RYR2: variants seen among roughly 807,000 people sequenced by gnomAD.
RYR2 encodes ryanodine receptor 2.
In RYR2, 227 loss-of-function variants were observed where a neutral mutation model predicts 601.1. That is an observed-to-expected ratio of 0.38 (90% CI 0.34 to 0.42). The LOEUF is 0.42. RYR2 is among the 10% of genes least tolerant of loss of function. The pLI, the probability that RYR2 is intolerant of heterozygous loss-of-function variation, is 1.00. For synonymous variants in RYR2, 2,223 were observed against 2,175.1 expected, an observed-to-expected ratio of 1.02 and a Z score of -0.61; for missense variants, 4,646 against 6,156.5, an observed-to-expected ratio of 0.75 and a Z score of 8.21.
chr1:237,072,551 A>G (rs1443197284), intron 1 of RYR2, among the ~76,000 whole-genome samples: 2 of 152,136 alleles, frequency 1.3e-5, no homozygotes, highest in Admixed American at 6.6e-5. Flanking sequence ...GAGCTGTGGG[A>G]GGTTTTCTAG....
chr1:237,105,943 C>G (rs1285025499), intron 1 of RYR2, among the ~76,000 whole-genome samples: 1 of 151,544 alleles, frequency 6.6e-6, no homozygotes, highest in Non-Finnish European at 1.5e-5. Context: ...GGAGTTAGTT[C>G]ATGGGCTTCC....
At chr1:237,733,663 C>G (rs1384361247) in intron 78 of RYR2, 42 bp from the exon 79 acceptor site, 4 of 1,377,612 alleles carry the variant, frequency 2.9e-6, no homozygotes, top group Admixed American at 3.4e-5. Flanking sequence ...ATGTGCCTAG[C>G]CTTCTGCTTA....
chr1:237,493,002 C>A lies in RYR2; in HGVS notation c.1876C>A (p.Arg626Ser). The stretch of plus-strand genomic sequence containing the variant: ...CTGTGTTTGCCACGGGGTTGCAGTC[C>A]GTTCTAACCAGCATCTCATCTGTGA... ...SLCVCHGVAV[R>S]SNQHLICDNL... is the part of the protein sequence containing the mutation. The change falls in exon 19 of 105, where the codon CGT becomes AGT. Residue 626 changes from arginine (R) to serine (S), a missense_variant. By Grantham distance (110) the Arg-to-Ser change is moderately radical. Transcript: ENST00000366574. 6.2e-7 allele frequency: 1 copy of A among 1,610,322 alleles called. No individual in the cohort carries two copies. The highest frequency in any genetic ancestry group is 8.5e-7 in the Non-Finnish European group (1 of 1,178,128).
In RYR2 at chr1:237,818,919, A is replaced by G. The variant is rs1187205024; in HGVS notation, c.14434-117A>G. 3.5e-6 allele frequency: 3 copies of G among 856,064 alleles called. No individual in the cohort carries two copies. In the Admixed American group the frequency reaches 8.7e-5, roughly 25 times the overall value. The allele number at this position is 856,064 out of a possible 1,614,324, so 53.0% of individuals were successfully genotyped here. ...CTGAAACAAAAAGAGGCAATATAGA[A>G]TGCAAAAATTCTCATTTCCAGAGTG... On this transcript the variant is annotated intron_variant, in intron 100 of 104. Coordinates refer to ENST00000366574, the MANE Select transcript of RYR2 (RefSeq NM_001035.3).
intron 17 of RYR2, among the ~76,000 whole-genome samples, chr1:237,473,225 A>G (rs1378269990): frequency 6.6e-6 from 1 of 151,908 alleles, no homozygotes; most frequent in Non-Finnish European, 1.5e-5. Flanking sequence ...GGAGTTTGAA[A>G]CCAGCCTGGC....
At chr1:237,350,806 A>G (rs1346745817) in intron 3 of RYR2, among the ~76,000 whole-genome samples, 2 of 151,676 alleles carry the variant, frequency 1.3e-5, no homozygotes, top group African/African-American at 4.8e-5. Flanking sequence ...CAAAATTATC[A>G]GGAGATCTCA....
intron 12 of RYR2, among the ~76,000 whole-genome samples, chr1:237,440,401 G>C (rs963682767): frequency 6.6e-6 from 1 of 152,186 alleles, no homozygotes; most frequent in Non-Finnish European, 1.5e-5. Context: ...AGAGACTAAA[G>C]AAAGGAGGTA....
At chr1:237,713,799 C>T (rs1451940094) in intron 71 of RYR2, among the ~76,000 whole-genome samples, 1 of 151,980 alleles carries the variant, frequency 6.6e-6, no homozygotes, top group Non-Finnish European at 1.5e-5. Flanking sequence ...GTGGGTTTTG[C>T]CTGTTGCATT....
chr1:237,319,709 G>GTTAT (rs1225428110), intron 2 of RYR2, among the ~76,000 whole-genome samples: 1 of 152,152 alleles, frequency 6.6e-6, no homozygotes, highest in African/African-American at 2.4e-5. Flanking sequence ...CAACCTGTCC[G>GTTAT]TGGATAAGGA....
intron 17 of RYR2, among the ~76,000 whole-genome samples, chr1:237,481,844 C>T (rs1213466354): frequency 2.1e-5 from 3 of 146,224 alleles, no homozygotes; most frequent in Non-Finnish European, 4.5e-5. Flanking sequence ...AACCACCTCC[C>T]AAACTCCTTG....
intron 5 of RYR2, among the ~76,000 whole-genome samples, chr1:237,369,088 G>A (rs1034256090): frequency 3.3e-5 from 5 of 152,088 alleles, no homozygotes; most frequent in Admixed American, 3.3e-4. Flanking sequence ...CTCCCAAAGT[G>A]CTGGGATTAC....
At position 237,574,994 on chromosome 1, in the gene RYR2, G is replaced by A. The variant is rs929603707; in HGVS notation, c.3598+5675G>A. Among the ~76,000 whole-genome samples, 7 of 152,132 alleles carry A rather than the reference G, an allele frequency of 4.6e-5. No individual in the cohort carries two copies. The East Asian group carries it at 1.4e-3, about 29-fold the overall frequency. On this transcript the variant is annotated intron_variant, in intron 29 of 104. Coordinates refer to ENST00000366574, the MANE Select transcript of RYR2 (RefSeq NM_001035.3). ...TGTGTTCCATAGCAATAGAAAACCG[G>A]TATGTTGATCAAGGGGCTTTCTTAG...
chr1:237,341,395 G>A (rs1347190442), intron 3 of RYR2, among the ~76,000 whole-genome samples: 1 of 152,100 alleles, frequency 6.6e-6, no homozygotes, highest in East Asian at 1.9e-4. Flanking sequence ...CCAGGCTGGA[G>A]TGCAATGGTG....
intron 1 of RYR2, among the ~76,000 whole-genome samples, chr1:237,124,104 A>G (rs912471626): frequency 2.0e-5 from 3 of 152,210 alleles, no homozygotes; most frequent in African/African-American, 7.2e-5. Context: ...GCTGGAGAAC[A>G]GGGTTACGGT....
At chr1:237,601,582 G>A (rs1676510063) in intron 34 of RYR2, among the ~76,000 whole-genome samples, 1 of 152,004 alleles carries the variant, frequency 6.6e-6, no homozygotes, top group Non-Finnish European at 1.5e-5. Context: ...TAGAAGAGAG[G>A]ATTTTGTATG....
intron 79 of RYR2, among the ~76,000 whole-genome samples, chr1:237,739,408 C>G (rs1159499749): frequency 6.6e-6 from 1 of 152,168 alleles, no homozygotes; most frequent in Non-Finnish European, 1.5e-5. Context: ...TACCAGCTGT[C>G]ATCCCTCTTG....
chr1:237,101,868 T>C (rs1668141397), intron 1 of RYR2, among the ~76,000 whole-genome samples: 1 of 152,218 alleles, frequency 6.6e-6, no homozygotes, highest in Admixed American at 6.5e-5. Context: ...ATTTCTTCCA[T>C]CTAAGCAAGG....
intron 79 of RYR2, among the ~76,000 whole-genome samples, chr1:237,739,081 T>C (rs905314674): frequency 1.3e-5 from 2 of 152,218 alleles, no homozygotes; most frequent in Non-Finnish European, 2.9e-5. Flanking sequence ...ATTACAAACA[T>C]CACTTCTTTC....
Position 237,784,013 on chromosome 1 carries a change from C to A in RYR2, c.12301C>A (p.Leu4101Ile). The stretch of plus-strand genomic sequence containing the variant: ...GGACATCGGCTTCAACGTCGCCGTC[C>A]TTCTGACAAACCTCTCTGAGCACAT... Reference protein sequence around the residue: ...AKDIGFNVAVLLTNLSEHMPN... With the variant: ...AKDIGFNVAVILTNLSEHMPN... The change falls in exon 90 of 105, where the codon CTT becomes ATT. Residue 4101 changes from leucine to isoleucine, a missense_variant. Physicochemically the swap from Leu to Ile is conservative, Grantham distance 5. Around this residue, in one of 17 missense-constraint regions of RYR2, gnomAD observed 70 missense variants for 164.6 expected, o/e 0.43. Transcript: ENST00000366574. The surrounding 1 kb of genome is among the most constrained non-coding windows in gnomAD (Gnocchi z 7.1). The A allele has an allele frequency of 6.2e-7, 1 of 1,613,994 alleles. No individual in the cohort carries two copies. Among genetic ancestry groups the A allele is most frequent in the Non-Finnish European group, 8.5e-7 (1 of 1,179,870 alleles).
Sources: allele counts gnomAD v4.1 joint callset (sites outside exome capture counted in the v4.1 genomes callset), GRCh38; gene constraint gnomAD v4.1.1; regional missense constraint gnomAD v4.1.1; non-coding constraint Gnocchi (gnomAD v3.1); transcripts MANE v1.5; gene names NCBI Gene and HGNC (gene_info 2026-07-23, HGNC 2026-07-21).